PLPP3: variants seen among roughly 807,000 people sequenced by gnomAD.
The protein encoded by PLPP3 is phospholipid phosphatase 3.
In PLPP3, 6 loss-of-function variants were observed where a neutral mutation model predicts 29.6. The ratio of observed to expected loss-of-function variants is 0.20; its 90% CI spans 0.11 to 0.40. The LOEUF is 0.40. Among genes scored for constraint, PLPP3 ranks in the 10% least tolerant of loss-of-function variants. PLPP3 has a pLI of 1.00. For missense variants in PLPP3, 308 were observed against 407.7 expected (o/e 0.76, Z 2.11); for synonymous variants, 152 against 159.7 (o/e 0.95, Z 0.36).
Position 56,578,889 on chromosome 1 carries a change from C to A in PLPP3, c.128G>T (p.Cys43Phe), listed in dbSNP as rs1569624054. 1 of 1,588,056 alleles carries A rather than the reference C, an allele frequency of 6.3e-7. No homozygotes were observed. Among genetic ancestry groups the A allele is most frequent in the Non-Finnish European group, 8.6e-7 (1 of 1,169,528 alleles). The change falls in exon 1 of 6, where the codon TGC becomes TTC. Residue 43 changes from cysteine (C) to phenylalanine (F), a missense_variant. Around this residue, in one of 3 missense-constraint regions of PLPP3, gnomAD observed 67 missense variants for 61.3 expected, o/e 1.09. Coordinates refer to ENST00000371250, the MANE Select transcript of PLPP3 (RefSeq NM_003713.5). ...RVLLICLDLF[C>F]LFMAGLPFLI... is the part of the protein sequence containing the mutation. ...GGGGCTGGGCTCACCCATGAAGAGG[C>A]AGAAGAGGTCGAGGCAGATGAGCAG... is the stretch of plus-strand genomic sequence containing the variant.
chr1:56,551,314 C>CTTTGGTTTGCTTTGGTTTGCTTT (rs1557511377), intron 1 of PLPP3, among the ~76,000 whole-genome samples: 17 of 133,702 alleles, frequency 1.3e-4, no homozygotes, highest in Admixed American at 3.0e-4. Context: ...CGGTTCGGTT[C>CTTTGGTTTGCTTTGGTTTGCTTT]GGTTCGGTTT....
chr1:56,508,115 C>T (rs1645715544), intron 5 of PLPP3, among the ~76,000 whole-genome samples: 1 of 152,246 alleles, frequency 6.6e-6, no homozygotes, highest in South Asian at 2.1e-4. Flanking sequence ...TAATTTGTTA[C>T]AGCAGCCAGA....
At chr1:56,554,939 C>T (rs1410081502) in intron 1 of PLPP3, among the ~76,000 whole-genome samples, 2 of 152,172 alleles carry the variant, frequency 1.3e-5, no homozygotes, top group Non-Finnish European at 2.9e-5. Flanking sequence ...ACTCTCCCTT[C>T]ATTCATTTTT....
intron 1 of PLPP3, among the ~76,000 whole-genome samples, chr1:56,555,885 A>G (rs1646073355): frequency 6.6e-6 from 1 of 152,226 alleles, no homozygotes. Flanking sequence ...GCTGGCTTCA[A>G]CTGGCCAAAC....
At chr1:56,530,490 A>C (rs1645880430) in intron 2 of PLPP3, among the ~76,000 whole-genome samples, 1 of 152,126 alleles carries the variant, frequency 6.6e-6, no homozygotes, top group Non-Finnish European at 1.5e-5. Context: ...CCCAAACTTC[A>C]CTTCTCTTCC....
intron 5 of PLPP3, among the ~76,000 whole-genome samples, chr1:56,501,013 A>C (rs1036849078): frequency 7.9e-4 from 41 of 52,130 alleles, no homozygotes; most frequent in African/African-American, 1.6e-3. Flanking sequence ...CAGACAAAAA[A>C]AAAAAAAAAA....
intron 1 of PLPP3, among the ~76,000 whole-genome samples, chr1:56,577,414 C>T (rs183260902): frequency 9.1e-4 from 139 of 152,286 alleles, no homozygotes; most frequent in African/African-American, 3.1e-3. Flanking sequence ...TTCCTTTCCA[C>T]CCCTCCACCC....
intron 5 of PLPP3, 34 bp from the exon 6 acceptor site, chr1:56,496,710 C>G: frequency 6.2e-7 from 1 of 1,611,070 alleles, no homozygotes; most frequent in Non-Finnish European, 8.5e-7. Context: ...AAGTCAGTAA[C>G]TGACATCGGG....
chr1:56,512,343 G>A, intron 4 of PLPP3, 191 bp from the exon 5 acceptor site: 5 of 542,796 alleles, frequency 9.2e-6, no homozygotes, highest in Non-Finnish European at 1.6e-5. Flanking sequence ...TAGGCACGGT[G>A]GCTCACGTCT....
intron 1 of PLPP3, among the ~76,000 whole-genome samples, chr1:56,541,093 T>C (rs142770439): frequency 6.6e-6 from 1 of 152,282 alleles, no homozygotes; most frequent in African/African-American, 2.4e-5. Context: ...GTGTGATGAC[T>C]GACATATGCA....
At chr1:56,538,411 G>A (rs922211483) in intron 1 of PLPP3, 1 of 365,682 alleles carries the variant, frequency 2.7e-6, no homozygotes, top group Non-Finnish European at 5.5e-6. Flanking sequence ...AAACACAGTG[G>A]CCTTTCAGCT....
intron 1 of PLPP3, among the ~76,000 whole-genome samples, chr1:56,571,649 T>C (rs1382693111): frequency 6.6e-6 from 1 of 152,234 alleles, no homozygotes; most frequent in African/African-American, 2.4e-5. Context: ...TTCATCAAGC[T>C]TTAAGCTGTT....
chr1:56,578,849 G>A, intron 1 of PLPP3, 29 bp downstream of exon 1: 20 of 1,514,272 alleles, frequency 1.3e-5, no homozygotes, highest in Non-Finnish European at 1.6e-5. Flanking sequence ...AGGGGCCGAG[G>A]GGCCGAGGGA....
intron 1 of PLPP3, among the ~76,000 whole-genome samples, chr1:56,551,072 A>G (rs932588225): frequency 1.3e-5 from 2 of 152,116 alleles, no homozygotes; most frequent in African/African-American, 4.8e-5. Flanking sequence ...CTACTGCACA[A>G]TGTTGTACTC....
chr1:56,513,735 A>G (rs1036678656), intron 4 of PLPP3: 4 of 152,210 alleles, frequency 2.6e-5, no homozygotes, highest in African/African-American at 7.2e-5. Flanking sequence ...AAGAATACTG[A>G]CAAAAAAGAT....
intron 1 of PLPP3, among the ~76,000 whole-genome samples, chr1:56,542,978 T>G (rs1240520853): frequency 3.4e-5 from 5 of 149,212 alleles, no homozygotes; most frequent in African/African-American, 9.9e-5. Context: ...ATTGCACCAC[T>G]GCACTCCAGT....
intron 1 of PLPP3, among the ~76,000 whole-genome samples, chr1:56,546,182 C>T (rs1646004749): frequency 6.6e-6 from 1 of 152,220 alleles, no homozygotes; most frequent in South Asian, 2.1e-4. Context: ...ACAGCGGCTG[C>T]CTTCCCGCAG....
intron 4 of PLPP3, among the ~76,000 whole-genome samples, chr1:56,518,242 G>C (rs1645795637): frequency 6.6e-6 from 1 of 152,082 alleles, no homozygotes. Context: ...CAGGATCTGT[G>C]GGTACACCTC....
At position 56,537,128 on chromosome 1, in the gene PLPP3, C is replaced by A. The variant is rs186446143; in HGVS notation, c.140-16G>T. The stretch of plus-strand genomic sequence containing the variant: ...GGGAGGCCCGCTGGTCCAGGTGGAA[C>A]CATGGCATATACCAGAAAAAAAAAG... On this transcript the variant is annotated splice_polypyrimidine_tract_variant and intron_variant, in intron 1 of 5. Transcript: ENST00000371250. 9.9e-6 allele frequency: 16 copies of A among 1,611,752 alleles called. No individual in the cohort carries two copies. The African/African-American group carries it at 1.7e-4, about 18-fold the overall frequency.
Sources: gnomAD v4.1 joint callset for allele counts (sites outside exome capture counted in the v4.1 genomes callset) on GRCh38, gnomAD v4.1.1 for gene constraint, gnomAD v4.1.1 regional missense constraint, MANE v1.5 for transcripts, NCBI Gene and HGNC (gene_info 2026-07-23, HGNC 2026-07-21) for gene names.